Variants in CRPPA observed in about 807,000 individuals in gnomAD.
The protein encoded by CRPPA is D-ribitol-5-phosphate cytidylyltransferase.
Under a neutral mutation model 52.0 loss-of-function variants are expected in CRPPA, and 43 were observed. The observed-to-expected ratio is 0.83, with a 90% CI of 0.65 to 1.07. The LOEUF is 1.07. Among genes scored for constraint, CRPPA ranks in the 50% least tolerant of loss-of-function variants. The pLI, the probability that CRPPA is intolerant of heterozygous loss-of-function variation, is 0.00. For synonymous variants in CRPPA, 250 were observed against 203.5 expected (o/e 1.23, Z -1.94); for missense variants, 629 against 551.7 (o/e 1.14, Z -1.40).
chr7:16,398,080 C>A (rs1467994722), intron 2 of CRPPA, among the ~76,000 whole-genome samples: 1 of 151,714 alleles, frequency 6.6e-6, no homozygotes, highest in Non-Finnish European at 1.5e-5. Flanking sequence ...ATGATTGACA[C>A]GTGAACAATA....
chr7:16,098,184 CTA>C (rs1357590441), intron 9 of CRPPA, among the ~76,000 whole-genome samples: 1 of 152,154 alleles, frequency 6.6e-6, no homozygotes, highest in East Asian at 1.9e-4. Flanking sequence ...GCAGGAAAAG[CTA>C]TGATGTAATT....
At chr7:16,190,705 T>C (rs374431294) in intron 9 of CRPPA, among the ~76,000 whole-genome samples, 14 of 152,232 alleles carry the variant, frequency 9.2e-5, no homozygotes, top group African/African-American at 3.4e-4. Context: ...GAGATTTTAG[T>C]GCACCCATCA....
Position 16,376,102 on chromosome 7 carries a change from G to C in CRPPA, c.674C>G (p.Ala225Gly), listed in dbSNP as rs1786875241. 6.3e-7 allele frequency: 1 copy of C among 1,590,502 alleles called. No individual in the cohort carries two copies. The highest frequency in any genetic ancestry group is 2.3e-5 in the East Asian group (1 of 43,804). ...AGCCCAAATTCTTACCTGCTGATAT[G>C]CTTCATAAATCACATCAAATAGAAA... ...QAFLFDVIYE[A>G]YQQCSDYDLE... is the part of the protein sequence containing the mutation. Residue 225 changes from alanine (A) to glycine (G), a missense_variant, in exon 3 of 10, where the codon GCA becomes GGA. By Grantham distance (60) the Ala-to-Gly change is moderately conservative. Transcript: ENST00000407010.
chr7:16,337,612 C>G (rs1016931758), intron 3 of CRPPA, among the ~76,000 whole-genome samples: 1 of 151,794 alleles, frequency 6.6e-6, no homozygotes, highest in African/African-American at 2.4e-5. Flanking sequence ...TGTTTTTTTG[C>G]AAATTAGAAA....
At chr7:16,406,907 T>C (rs972618588) in intron 1 of CRPPA, among the ~76,000 whole-genome samples, 4 of 152,296 alleles carry the variant, frequency 2.6e-5, no homozygotes, top group African/African-American at 9.6e-5. Context: ...TTAAGTAAAG[T>C]GGAAAAGCTT....
intron 9 of CRPPA, among the ~76,000 whole-genome samples, chr7:16,123,246 C>A (rs904134470): frequency 2.0e-5 from 3 of 152,056 alleles, no homozygotes; most frequent in South Asian, 2.1e-4. Context: ...GCTCATTTTT[C>A]TTCCCTTCAA....
rs1583529888 is a variant in CRPPA at position 16,337,469 on chromosome 7, AGT to A, written c.685-28844_685-28843del. On this transcript the variant is annotated intron_variant, in intron 3 of 9. Coordinates refer to ENST00000407010, the MANE Select transcript of CRPPA (RefSeq NM_001101426.4). The stretch of plus-strand genomic sequence containing the variant: ...TTATAGCATGCAGCAAAGAGTCCTA[AGT>A]GGCAAATTTATAGCATTAAACATCT... Among the ~76,000 whole-genome samples, 8 of 152,282 alleles carry A rather than the reference AGT, an allele frequency of 5.3e-5. No individual in the cohort carries two copies. In the East Asian group the frequency reaches 1.4e-3, roughly 26 times the overall value.
At chr7:16,416,496 A>G (rs576613518) in intron 1 of CRPPA, among the ~76,000 whole-genome samples, 1 of 152,278 alleles carries the variant, frequency 6.6e-6, no homozygotes, top group South Asian at 2.1e-4. Context: ...AAGCAATTCC[A>G]ACAAAAACAA....
At chr7:16,323,490 A>T (rs550815773) in intron 3 of CRPPA, among the ~76,000 whole-genome samples, 21 of 152,294 alleles carry the variant, frequency 1.4e-4, no homozygotes, top group African/African-American at 4.8e-4. Flanking sequence ...CATGAGAAGA[A>T]CATGGTTGGA....
chr7:16,252,674 G>A (rs911649472), intron 8 of CRPPA, among the ~76,000 whole-genome samples: 5 of 152,178 alleles, frequency 3.3e-5, no homozygotes, highest in African/African-American at 1.2e-4. Context: ...AGTTTCAGAA[G>A]GAATGGTACC....
intron 3 of CRPPA, among the ~76,000 whole-genome samples, chr7:16,359,258 T>C (rs28602776): frequency 0.07 from 10,688 of 152,230 alleles, 470 homozygotes; most frequent in East Asian, 0.15. Flanking sequence ...CTTGAGTAGC[T>C]GGGAGCACCA....
Position 16,258,953 on chromosome 7 carries a change from G to C in CRPPA, c.993C>G (p.Ile331Met), listed in dbSNP as rs1783720553. The C allele has an allele frequency of 6.2e-7, 1 of 1,610,972 alleles. No homozygotes were observed. The highest frequency in any genetic ancestry group is 1.7e-5 in the Admixed American group (1 of 59,620). Residue 331 changes from isoleucine to methionine, a missense_variant, in exon 7 of 10, where the codon ATC becomes ATG. Physicochemically the swap from Ile to Met is conservative, Grantham distance 10 (BLOSUM62 1). Coordinates refer to ENST00000407010, the MANE Select transcript of CRPPA (RefSeq NM_001101426.4). ...AAACAAAATTGTAGCATTGATCTAA[G>C]ATGATTTGCTGAAGATGTCTGCCAG... ...GHAGRHLQQI[I>M]LDQCYNFVCV...
chr7:16,217,737 G>C (rs1287425041), intron 8 of CRPPA, among the ~76,000 whole-genome samples: 2 of 142,964 alleles, frequency 1.4e-5, no homozygotes, highest in African/African-American at 5.2e-5. Context: ...GGGAAGTTTA[G>C]AGAAAAAAGA....
rs1491461185 is a variant in CRPPA at position 16,342,798 on chromosome 7, T to TAGATAGATAGATAGATAGATAG, written c.684+33293_684+33294insCTATCTATCTATCTATCTATCT. Among the ~76,000 whole-genome samples, 54 of 101,230 alleles carry TAGATAGATAGATAGATAGATAG rather than the reference T, an allele frequency of 5.3e-4. 6 individuals are homozygous for TAGATAGATAGATAGATAGATAG. Among genetic ancestry groups the TAGATAGATAGATAGATAGATAG allele is most frequent in the African/African-American group, 1.5e-3 (38 of 24,582 alleles). 66.4% of individuals were successfully genotyped at this position (101,230 alleles called of 152,430 possible). ...AAAAAAAAAAATATATATATATATATCTATATAGATATATAGATATACATA... is the reference window on the plus strand; with the variant it reads ...AAAAAAAAAAATATATATATATATATAGATAGATAGATAGATAGATAGCTATATAGATATATAGATATACATA... On this transcript the variant is annotated intron_variant, in intron 3 of 9. Coordinates refer to ENST00000407010, the MANE Select transcript of CRPPA (RefSeq NM_001101426.4).
chr7:16,124,429 T>A (rs541524889), intron 9 of CRPPA, among the ~76,000 whole-genome samples: 30 of 152,328 alleles, frequency 2.0e-4, no homozygotes, highest in Non-Finnish European at 4.0e-4. Context: ...CTGTCACTTG[T>A]GGATAACATG....
chr7:16,395,353 T>G (rs1787542969), intron 2 of CRPPA, among the ~76,000 whole-genome samples: 1 of 152,204 alleles, frequency 6.6e-6, no homozygotes, highest in Admixed American at 6.5e-5. Flanking sequence ...TAACATGCAT[T>G]TCTCCTCAGG....
intron 2 of CRPPA, among the ~76,000 whole-genome samples, chr7:16,398,787 G>C (rs1391335963): frequency 2.0e-5 from 3 of 152,226 alleles, no homozygotes; most frequent in Non-Finnish European, 2.9e-5. Context: ...ACACTTGACT[G>C]ACACGTGATT....
At chr7:16,176,855 G>C (rs1025818454) in intron 9 of CRPPA, among the ~76,000 whole-genome samples, 50 of 151,972 alleles carry the variant, frequency 3.3e-4, no homozygotes, top group African/African-American at 1.0e-3. Context: ...TTTAATAACG[G>C]AACATGAATG....
chr7:16,353,254 G>C (rs1038537267), intron 3 of CRPPA, among the ~76,000 whole-genome samples: 1 of 152,026 alleles, frequency 6.6e-6, no homozygotes, highest in Non-Finnish European at 1.5e-5. Flanking sequence ...TCAGGAGGCT[G>C]AGGTGAGAAA....
Sources: gnomAD v4.1 joint callset for allele counts (sites outside exome capture counted in the v4.1 genomes callset) on GRCh38, gnomAD v4.1.1 for gene constraint, MANE v1.5 for transcripts, NCBI Gene and HGNC (gene_info 2026-07-23, HGNC 2026-07-21) for gene names.